The following WWC1 variants were observed in gnomAD, a reference collection of about 807,000 sequenced individuals.
WWC1 encodes WW and C2 domain containing 1.
WWC1 carries 55 observed loss-of-function variants against 138.4 expected under a neutral mutation model. The observed-to-expected ratio is 0.40, with a 90% confidence interval of 0.32 to 0.50. The LOEUF (loss-of-function observed/expected upper bound fraction) is 0.50, where lower values mean the gene tolerates loss of function less well. Among genes scored for constraint, WWC1 ranks in the 20% least tolerant of loss-of-function variants. WWC1 has a pLI of 0.72. For synonymous variants in WWC1, 524 were observed against 564.9 expected, an observed-to-expected ratio of 0.93 and a Z score of 1.03; for missense variants, 1,226 against 1,420.4, an observed-to-expected ratio of 0.86 and a Z score of 2.20.
At chr5:168,455,980 T>G (rs928479785) in intron 19 of WWC1, among the ~76,000 whole-genome samples, 3 of 152,182 alleles carry the variant, frequency 2.0e-5, no homozygotes, top group African/African-American at 7.2e-5. Flanking sequence ...ATTTTTTAAT[T>G]GAACCTGCTG....
At chr5:168,348,631 G>A (rs1459436525) in intron 1 of WWC1, among the ~76,000 whole-genome samples, 1 of 152,188 alleles carries the variant, frequency 6.6e-6, no homozygotes, top group African/African-American at 2.4e-5. Flanking sequence ...CTTCTCCAAG[G>A]AGGAAATACA....
chr5:168,409,260 T>C (rs1257324245), intron 7 of WWC1, among the ~76,000 whole-genome samples: 1 of 152,226 alleles, frequency 6.6e-6, no homozygotes, highest in East Asian at 1.9e-4. Flanking sequence ...CCAGCCTCTG[T>C]GGCGGACAGC....
Position 168,428,135 on chromosome 5 carries a change from T to C in WWC1, c.1913T>C (p.Val638Ala), listed in dbSNP as rs1282520445. The C allele has an allele frequency of 2.5e-6, 4 of 1,612,766 alleles. No individual in the cohort carries two copies. Among genetic ancestry groups the C allele is most frequent in the Non-Finnish European group, 2.5e-6 (3 of 1,179,252 alleles). The stretch of plus-strand genomic sequence containing the variant: ...GACAGTGGTGTGTACGAGGCTTCCG[T>C]GCAGAGGTAGGTGTCTGGGTGCTGG... Reference protein sequence around the residue: ...AGDSGVYEASVQRLGASEAAA... With the variant: ...AGDSGVYEASAQRLGASEAAA... The change falls in exon 12 of 23, where the codon GTG becomes GCG. Residue 638 changes from valine to alanine, a missense_variant. Coordinates refer to ENST00000265293, the MANE Select transcript of WWC1 (RefSeq NM_015238.3).
intron 19 of WWC1, among the ~76,000 whole-genome samples, chr5:168,459,158 G>A (rs570939558): frequency 6.6e-6 from 1 of 151,670 alleles, no homozygotes; most frequent in African/African-American, 2.4e-5. Flanking sequence ...AGAGGCTGAG[G>A]CGGGAGAATC....
chr5:168,332,536 T>A (rs1018009660), intron 1 of WWC1, among the ~76,000 whole-genome samples: 1 of 152,198 alleles, frequency 6.6e-6, no homozygotes, highest in Non-Finnish European at 1.5e-5. Context: ...TGCACATGCA[T>A]GTGTGCTGGG....
intron 1 of WWC1, among the ~76,000 whole-genome samples, chr5:168,308,378 C>T (rs916180623): frequency 6.6e-6 from 1 of 152,188 alleles, no homozygotes; most frequent in African/African-American, 2.4e-5. Flanking sequence ...TCACTGGCTC[C>T]AAAGGTCAGA....
intron 1 of WWC1, among the ~76,000 whole-genome samples, chr5:168,327,153 C>T (rs1275042914): frequency 3.9e-5 from 6 of 152,206 alleles, no homozygotes; most frequent in South Asian, 2.1e-4. Context: ...GAGCAAATTA[C>T]TCTCCTTCTC....
At chr5:168,411,026 C>T (rs1005291439) in intron 8 of WWC1, among the ~76,000 whole-genome samples, 8 of 147,528 alleles carry the variant, frequency 5.4e-5, no homozygotes, top group South Asian at 2.2e-4. Flanking sequence ...CCCGGGTTCA[C>T]GCCATTCTCC....
chr5:168,389,253 C>T (rs1778284251), intron 3 of WWC1, among the ~76,000 whole-genome samples: 2 of 151,810 alleles, frequency 1.3e-5, no homozygotes, highest in African/African-American at 4.8e-5. Context: ...TCGAGACCAT[C>T]CCAGCCAACA....
At chr5:168,380,981 C>A (rs924128388) in intron 2 of WWC1, among the ~76,000 whole-genome samples, 1 of 151,888 alleles carries the variant, frequency 6.6e-6, no homozygotes, top group Non-Finnish European at 1.5e-5. Context: ...TGCCTGGGAG[C>A]GTCCAGGGGA....
At chr5:168,385,171 T>C (rs1777944987) in intron 2 of WWC1, 40 bp from the exon 3 acceptor site, 13 of 1,608,508 alleles carry the variant, frequency 8.1e-6, no homozygotes, top group Non-Finnish European at 1.1e-5. Context: ...CAACAGATAT[T>C]TGTGAGATGC....
chr5:168,320,311 A>G (rs1422568347), intron 1 of WWC1, among the ~76,000 whole-genome samples: 2 of 152,188 alleles, frequency 1.3e-5, no homozygotes, highest in Non-Finnish European at 2.9e-5. Context: ...CTGGGATTAT[A>G]GGCGTTAACC....
chr5:168,315,899 G>T (rs1771544764), intron 1 of WWC1, among the ~76,000 whole-genome samples: 1 of 152,192 alleles, frequency 6.6e-6, no homozygotes. Context: ...CAGCCCACCT[G>T]TTTGGGACTG....
chr5:168,337,756 T>C (rs1362304064), intron 1 of WWC1, among the ~76,000 whole-genome samples: 2 of 151,978 alleles, frequency 1.3e-5, no homozygotes, highest in Non-Finnish European at 2.9e-5. Context: ...ATGAAGGAAA[T>C]AAAATGGTGC....
At chr5:168,303,594 G>A (rs1018037174) in intron 1 of WWC1, among the ~76,000 whole-genome samples, 8 of 152,130 alleles carry the variant, frequency 5.3e-5, no homozygotes, top group Non-Finnish European at 1.0e-4. Context: ...GGGTGACAGA[G>A]TGAGATCATC....
intron 22 of WWC1, 69 bp from the exon 23 acceptor site, chr5:168,468,882 T>C (rs1408601996): frequency 1.9e-6 from 3 of 1,552,782 alleles, no homozygotes; most frequent in Non-Finnish European, 1.8e-6. Flanking sequence ...GACAAAGAAT[T>C]ATCCTGCCCA....
intron 17 of WWC1, among the ~76,000 whole-genome samples, chr5:168,445,519 G>A (rs1309746412): frequency 2.0e-5 from 3 of 151,716 alleles, no homozygotes; most frequent in Non-Finnish European, 4.4e-5. Context: ...GGCCAACATG[G>A]TGAAACCCCA....
At chr5:168,356,537 G>C (rs1383603160) in intron 1 of WWC1, among the ~76,000 whole-genome samples, 1 of 152,218 alleles carries the variant, frequency 6.6e-6, no homozygotes, top group Non-Finnish European at 1.5e-5. Flanking sequence ...TCTGGGAATC[G>C]AATGTGATAA....
intron 1 of WWC1, among the ~76,000 whole-genome samples, chr5:168,306,028 T>C (rs1053023194): frequency 3.9e-5 from 6 of 152,222 alleles, no homozygotes; most frequent in African/African-American, 1.2e-4. Flanking sequence ...AAACCTAATA[T>C]GTATAGTTTT....
Sources: gnomAD v4.1 joint callset for allele counts (sites outside exome capture counted in the v4.1 genomes callset) on GRCh38, gnomAD v4.1.1 for gene constraint, MANE v1.5 for transcripts, NCBI Gene and HGNC (gene_info 2026-07-23, HGNC 2026-07-21) for gene names.